The following CCDC178 variants were observed in gnomAD, a reference collection of about 807,000 sequenced individuals.
CCDC178 encodes the protein coiled-coil domain-containing protein 178.
In CCDC178, 126 loss-of-function variants were observed where a neutral mutation model predicts 117.4. The ratio of observed to expected loss-of-function variants is 1.07; its 90% confidence interval spans 0.93 to 1.24. CCDC178 has a LOEUF of 1.24. Ranked by LOEUF, CCDC178 falls within the 50% of genes most tolerant of loss-of-function variation. The probability of loss-of-function intolerance (pLI) is 0.00; values close to 1 mark genes in which losing one functional copy is unlikely to be tolerated. For missense variants in CCDC178, 1,030 were observed against 986.9 expected, an observed-to-expected ratio of 1.04 and a Z score of -0.59; for synonymous variants, 283 against 313.4, an observed-to-expected ratio of 0.90 and a Z score of 1.02.
intron 5 of CCDC178, among the ~76,000 whole-genome samples, chr18:33,382,965 G>A (rs2144800049): frequency 6.6e-6 from 1 of 152,234 alleles, no homozygotes. Flanking sequence ...AGTTGCCCTG[G>A]GATGACTGAG....
At chr18:33,140,175 G>A (rs994324081) in intron 20 of CCDC178, among the ~76,000 whole-genome samples, 15 of 152,222 alleles carry the variant, frequency 9.9e-5, no homozygotes, top group African/African-American at 3.6e-4. Flanking sequence ...TGAGGCAGAA[G>A]TTTGCTGCAG....
chr18:33,176,426 T>C (rs1003321312), intron 20 of CCDC178, among the ~76,000 whole-genome samples: 3 of 152,188 alleles, frequency 2.0e-5, no homozygotes, highest in African/African-American at 4.8e-5. Flanking sequence ...TATTTTGTGA[T>C]TTATTTGCTG....
intron 21 of CCDC178, among the ~76,000 whole-genome samples, chr18:33,003,139 A>G (rs993717597): frequency 1.3e-5 from 2 of 152,192 alleles, no homozygotes; most frequent in Admixed American, 6.5e-5. Context: ...ACTATTCTGA[A>G]AAATAGAGGA....
intron 21 of CCDC178, among the ~76,000 whole-genome samples, chr18:33,080,203 T>C (rs1428555940): frequency 6.6e-6 from 1 of 152,110 alleles, no homozygotes; most frequent in Admixed American, 6.5e-5. Flanking sequence ...TGCTCTCACT[T>C]ATAAGTAGGA....
At chr18:33,080,584 T>C (rs1431481818) in intron 21 of CCDC178, among the ~76,000 whole-genome samples, 1 of 152,158 alleles carries the variant, frequency 6.6e-6, no homozygotes. Context: ...TTTCATCTCA[T>C]ATTCTGGCCT....
chr18:33,126,424 A>G (rs2144235051), intron 20 of CCDC178, among the ~76,000 whole-genome samples: 1 of 148,884 alleles, frequency 6.7e-6, no homozygotes, highest in East Asian at 1.9e-4. Flanking sequence ...ATAAATATAT[A>G]TATAATACAT....
At chr18:32,983,314 C>G (rs761419572) in intron 21 of CCDC178, 2 of 1,531,532 alleles carry the variant, frequency 1.3e-6, no homozygotes, top group South Asian at 1.2e-5. Context: ...ATATAATTGG[C>G]AGAGAGTTTG....
intron 2 of CCDC178, among the ~76,000 whole-genome samples, chr18:33,439,503 GTAT>G (rs1196211222): frequency 6.6e-6 from 1 of 152,138 alleles, no homozygotes; most frequent in Non-Finnish European, 1.5e-5. Flanking sequence ...AAAGTAAGAA[GTAT>G]TATATATTCA....
chr18:32,985,155 A>G (rs1002579053), intron 21 of CCDC178, among the ~76,000 whole-genome samples: 3 of 152,040 alleles, frequency 2.0e-5, no homozygotes, highest in African/African-American at 7.2e-5. Flanking sequence ...TCAAGAAGAA[A>G]TATAGTATAT....
intron 11 of CCDC178, among the ~76,000 whole-genome samples, chr18:33,305,013 T>A (rs949173926): frequency 2.0e-5 from 3 of 152,196 alleles, no homozygotes; most frequent in African/African-American, 7.2e-5. Flanking sequence ...TCTTATCAGT[T>A]CTGTGTTCTG....
At chr18:33,172,978 G>A (rs1419114282) in intron 20 of CCDC178, among the ~76,000 whole-genome samples, 1 of 152,046 alleles carries the variant, frequency 6.6e-6, no homozygotes, top group Non-Finnish European at 1.5e-5. Context: ...TCTAATAATG[G>A]TCATTATGTA....
At chr18:33,220,546 C>T (rs2059219853) in intron 18 of CCDC178, among the ~76,000 whole-genome samples, 2 of 152,012 alleles carry the variant, frequency 1.3e-5, no homozygotes, top group Non-Finnish European at 1.5e-5. Flanking sequence ...TGAGATTGGA[C>T]AGAAGGGGAT....
At position 33,331,026 on chromosome 18, in the gene CCDC178, CTTTTTTT is replaced by C. The variant is rs67153629; in HGVS notation, c.879+2141_879+2147del. On this transcript the variant is annotated intron_variant, in intron 10 of 22. Coordinates refer to ENST00000383096, the MANE Select transcript of CCDC178 (RefSeq NM_001105528.4). ...CCTGATAAGCTTTACACAAACATTG[CTTTTTTT>C]TTTTTTTTTTTTTTTTTTTGGTCTG... Among the ~76,000 whole-genome samples the C allele has an allele frequency of 4.3e-3, 193 of 45,048 alleles. 9 individuals are homozygous for C. In the East Asian group the frequency reaches 0.12, roughly 27 times the overall value. 29.6% of individuals were successfully genotyped at this position (45,048 alleles called of 152,430 possible).
intron 21 of CCDC178, among the ~76,000 whole-genome samples, chr18:33,032,259 G>T (rs2056358533): frequency 6.6e-6 from 1 of 152,086 alleles, no homozygotes; most frequent in African/African-American, 2.4e-5. Context: ...CCCAGAGTTT[G>T]CTCCTAGCAT....
At chr18:33,014,328 G>A (rs1192669300) in intron 21 of CCDC178, among the ~76,000 whole-genome samples, 3 of 152,192 alleles carry the variant, frequency 2.0e-5, no homozygotes, top group African/African-American at 4.8e-5. Flanking sequence ...TGCTTAGAGC[G>A]TTTGTTTAGT....
At chr18:33,322,637 AATC>A (rs2062528322) in intron 11 of CCDC178, among the ~76,000 whole-genome samples, 1 of 151,768 alleles carries the variant, frequency 6.6e-6, no homozygotes, top group African/African-American at 2.4e-5. Context: ...TCAAAGAAGA[AATC>A]ATGATAAAAA....
intron 21 of CCDC178, among the ~76,000 whole-genome samples, chr18:32,976,913 T>C (rs989550545): frequency 6.6e-6 from 1 of 152,138 alleles, no homozygotes; most frequent in African/African-American, 2.4e-5. Context: ...GAGGTAAACA[T>C]CCTGAATGAA....
intron 21 of CCDC178, among the ~76,000 whole-genome samples, chr18:33,046,101 G>C (rs1268363826): frequency 6.6e-6 from 1 of 152,138 alleles, no homozygotes; most frequent in Non-Finnish European, 1.5e-5. Context: ...TAGTAAGATA[G>C]TAGATGATGT....
At chr18:33,057,713 C>T (rs1270948658) in intron 21 of CCDC178, among the ~76,000 whole-genome samples, 3 of 152,098 alleles carry the variant, frequency 2.0e-5, no homozygotes, top group African/African-American at 7.2e-5. Flanking sequence ...AGGCTGGTCT[C>T]AAACTCCTGA....
Sources: allele counts gnomAD v4.1 joint callset (sites outside exome capture counted in the v4.1 genomes callset), GRCh38; gene constraint gnomAD v4.1.1; transcripts MANE v1.5; gene names NCBI Gene and HGNC (gene_info 2026-07-23, HGNC 2026-07-21).